Variants in DMD observed in about 807,000 individuals in gnomAD.
The protein encoded by DMD is dystrophin.
Under a neutral mutation model 330.1 loss-of-function variants are expected in DMD, and 63 were observed. That is an observed-to-expected ratio of 0.19 (90% confidence interval 0.16 to 0.24). The LOEUF is 0.24. Ranked by LOEUF, DMD falls within the 10% of genes least tolerant of loss-of-function variation. The pLI is 1.00. For synonymous variants in DMD, 1,223 were observed against 959.8 expected (o/e 1.27, Z -5.07); for missense variants, 3,344 against 2,684.1 (o/e 1.25, Z -5.43).
rs191255997 is a variant in DMD at position 32,538,188 on chromosome X, C to T, written c.2168+6971G>A. 4.8e-4 allele frequency among the ~76,000 whole-genome samples: 54 copies of T among 112,533 alleles called. No homozygotes were observed. In the Admixed American group the frequency reaches 4.9e-3, roughly 10 times the overall value. ...GGCCTCTGAGCCCAAGCTAAGCCATCCTTTCCCCTATGACCTGCACCTTTA... is the reference window on the plus strand; with the variant it reads ...GGCCTCTGAGCCCAAGCTAAGCCATTCTTTCCCCTATGACCTGCACCTTTA... On this transcript the variant is annotated intron_variant, in intron 17 of 78. Coordinates refer to ENST00000357033, the MANE Select transcript of DMD (RefSeq NM_004006.3).
At chrX:33,288,331 C>T (rs1289231411) in intron 1 of DMD, among the ~76,000 whole-genome samples, 1 of 111,579 alleles carries the variant, frequency 9.0e-6, no homozygotes, top group Non-Finnish European at 1.9e-5. Flanking sequence ...TTATCTGTTC[C>T]TATTTATGTG....
intron 42 of DMD, among the ~76,000 whole-genome samples, chrX:32,301,222 T>TAAAAAAAAAAAAAAAAAAAAAAAAAAA (rs56329666): frequency 6.7e-5 from 5 of 74,654 alleles, no homozygotes; most frequent in Admixed American, 3.2e-4. Context: ...TGCATACATC[T>TAAAAAAAAAAAAAAAAAAAAAAAAAAA]AAAAAAAAAA....
intron 44 of DMD, among the ~76,000 whole-genome samples, chrX:32,202,763 A>G (rs1213210610): frequency 1.8e-5 from 2 of 112,540 alleles, no homozygotes. Context: ...GAAAATAAGC[A>G]TCACAGGATC....
At chrX:31,703,088 T>A in intron 52 of DMD, among the ~76,000 whole-genome samples, 1 of 111,047 alleles carries the variant, frequency 9.0e-6, no homozygotes, top group Non-Finnish European at 1.9e-5. Context: ...ACTCCTGACA[T>A]CAAGTGGTCC....
chrX:31,264,796 C>T (rs2050874102), intron 62 of DMD, among the ~76,000 whole-genome samples: 1 of 112,243 alleles, frequency 8.9e-6, no homozygotes, highest in Non-Finnish European at 1.9e-5. Context: ...TAATTTCCTA[C>T]CATACAATTT....
intron 49 of DMD, among the ~76,000 whole-genome samples, chrX:31,834,564 C>T (rs986276370): frequency 9.0e-6 from 1 of 111,547 alleles, no homozygotes; most frequent in African/African-American, 3.3e-5. Context: ...CTCAGCCTCC[C>T]AAGTAGCTGG....
Position 32,655,326 on chromosome X carries a change from T to C in DMD, c.961-10174A>G, listed in dbSNP as rs1365107124. On this transcript the variant is annotated intron_variant, in intron 9 of 78. Coordinates refer to ENST00000357033, the MANE Select transcript of DMD (RefSeq NM_004006.3). ...TGCTTTAAATGTGTCCCACAGATTC[T>C]GGTATGTTGTGTCTTTGTTCTCATT... Among the ~76,000 whole-genome samples the C allele has an allele frequency of 2.7e-5, 3 of 112,436 alleles. No individual in the cohort carries two copies. The East Asian group carries it at 8.4e-4, about 31-fold the overall frequency.
At chrX:32,827,530 C>A (rs754803461) in intron 4 of DMD, among the ~76,000 whole-genome samples, 1 of 111,141 alleles carries the variant, frequency 9.0e-6, no homozygotes, top group African/African-American at 3.3e-5. Flanking sequence ...TTTCATCGCC[C>A]AGGTAATAAG....
chrX:32,655,741 T>G (rs772192139), intron 9 of DMD, among the ~76,000 whole-genome samples: 5 of 111,596 alleles, frequency 4.5e-5, no homozygotes, highest in Non-Finnish European at 7.5e-5. Context: ...CAGTGGGGTG[T>G]TAAAGTCTCC....
At chrX:31,462,613 T>A (rs919499257) in intron 59 of DMD, among the ~76,000 whole-genome samples, 12 of 111,934 alleles carry the variant, frequency 1.1e-4, no homozygotes, top group African/African-American at 3.9e-4. Flanking sequence ...CTGTATTGTT[T>A]CCCTAACTCC....
intron 1 of DMD, among the ~76,000 whole-genome samples, chrX:33,101,697 AACT>A (rs961411559): frequency 8.9e-6 from 1 of 112,730 alleles, no homozygotes; most frequent in Non-Finnish European, 1.9e-5. Context: ...TTTTGGGAAG[AACT>A]AATGTGATAG....
intron 55 of DMD, among the ~76,000 whole-genome samples, chrX:31,507,870 G>T (rs924524116): frequency 9.0e-6 from 1 of 111,462 alleles, no homozygotes; most frequent in Admixed American, 9.5e-5. Flanking sequence ...TTCTATTTAC[G>T]TAGTAATCTG....
At chrX:31,175,402 A>C (rs1053725983) in intron 71 of DMD, among the ~76,000 whole-genome samples, 4 of 111,134 alleles carry the variant, frequency 3.6e-5, no homozygotes, top group African/African-American at 1.3e-4. Flanking sequence ...TCTTTGCCTC[A>C]AGGATAATTC....
At chrX:31,804,833 A>AT (rs1334576428) in intron 50 of DMD, among the ~76,000 whole-genome samples, 4 of 100,645 alleles carry the variant, frequency 4.0e-5, no homozygotes, top group African/African-American at 1.1e-4. Context: ...TCATCTTCAA[A>AT]TTTCCTTTTT....
chrX:31,228,056 A>G (rs1435551426), intron 63 of DMD, among the ~76,000 whole-genome samples: 27 of 99,015 alleles, frequency 2.7e-4, no homozygotes, highest in Non-Finnish European at 4.9e-4. Context: ...GAATTGAACA[A>G]TGAGATCACA....
chrX:33,142,697 T>C (rs1280895718), intron 1 of DMD, among the ~76,000 whole-genome samples: 2 of 112,450 alleles, frequency 1.8e-5, no homozygotes, highest in African/African-American at 6.5e-5. Context: ...TAAGTAACCA[T>C]AAAGATTATT....
chrX:31,682,868 A>G (rs1488880552), intron 52 of DMD, among the ~76,000 whole-genome samples: 2 of 112,345 alleles, frequency 1.8e-5, no homozygotes, highest in Admixed American at 1.9e-4. Flanking sequence ...AAAACAGTCT[A>G]TATTTTTAAA....
At chrX:32,523,003 G>T (rs996071087) in intron 17 of DMD, among the ~76,000 whole-genome samples, 1 of 111,606 alleles carries the variant, frequency 9.0e-6, no homozygotes, top group Non-Finnish European at 1.9e-5. Flanking sequence ...AAGAAAGATT[G>T]CTCACTTCTA....
intron 4 of DMD, among the ~76,000 whole-genome samples, chrX:32,825,451 C>G (rs2078623079): frequency 9.0e-6 from 1 of 111,478 alleles, no homozygotes; most frequent in African/African-American, 3.3e-5. Flanking sequence ...CCCCCAGTGT[C>G]AAAAAGTTCA....
Sources: allele counts gnomAD v4.1 joint callset (sites outside exome capture counted in the v4.1 genomes callset), GRCh38; gene constraint gnomAD v4.1.1; transcripts MANE v1.5; gene names NCBI Gene and HGNC (gene_info 2026-07-23, HGNC 2026-07-21).